PRKN: variants seen among roughly 807,000 people sequenced by gnomAD.
PRKN encodes the protein parkin RBR E3 ubiquitin protein ligase.
Under a neutral mutation model 59.5 loss-of-function variants are expected in PRKN, and 56 were observed. The ratio of observed to expected loss-of-function variants is 0.94; its 90% CI spans 0.76 to 1.18. PRKN has a LOEUF of 1.18. PRKN is among the 50% of genes most tolerant of loss of function. PRKN has a pLI of 0.00. For synonymous variants in PRKN, 250 were observed against 222.1 expected (o/e 1.13, Z -1.12); for missense variants, 657 against 596.4 (o/e 1.10, Z -1.06).
At chr6:162,621,597 A>G (rs1478243065) in intron 1 of PRKN, among the ~76,000 whole-genome samples, 4 of 152,226 alleles carry the variant, frequency 2.6e-5, no homozygotes, top group African/African-American at 9.6e-5. Flanking sequence ...TAAGTTTTGA[A>G]GTCATGTGTT....
intron 1 of PRKN, among the ~76,000 whole-genome samples, chr6:162,643,313 G>A (rs896670614): frequency 1.4e-5 from 2 of 142,884 alleles, no homozygotes; most frequent in Non-Finnish European, 3.0e-5. Flanking sequence ...CAGGAGAATT[G>A]CCTGAACCCA....
intron 1 of PRKN, among the ~76,000 whole-genome samples, chr6:162,620,186 C>G (rs1782606716): frequency 6.6e-6 from 1 of 152,048 alleles, no homozygotes. Context: ...ACTTTTATCT[C>G]CTCAACAGGT....
chr6:161,915,999 C>G (rs1197865392), intron 6 of PRKN, among the ~76,000 whole-genome samples: 1 of 151,820 alleles, frequency 6.6e-6, no homozygotes, highest in Non-Finnish European at 1.5e-5. Context: ...TCGACTATAT[C>G]AAATGATAAA....
intron 9 of PRKN, among the ~76,000 whole-genome samples, chr6:161,514,072 T>A (rs571298737): frequency 6.6e-6 from 1 of 151,744 alleles, no homozygotes; most frequent in Non-Finnish European, 1.5e-5. Context: ...CTTTGTAACC[T>A]TATTATCTAG....
At chr6:162,004,823 A>G (rs6455793) in intron 5 of PRKN, among the ~76,000 whole-genome samples, 120,448 of 152,140 alleles carry the variant, frequency 0.79, 48,483 homozygotes, top group African/African-American at 0.94. Flanking sequence ...TCAGGCTCAC[A>G]TATGATTACG....
At chr6:162,437,526 G>T (rs893573177) in intron 2 of PRKN, among the ~76,000 whole-genome samples, 5 of 152,098 alleles carry the variant, frequency 3.3e-5, no homozygotes, top group African/African-American at 9.7e-5. Context: ...ACAGAGGACG[G>T]CCGTCACCAA....
chr6:162,043,288 C>T (rs1216013390), intron 5 of PRKN, among the ~76,000 whole-genome samples: 1 of 152,014 alleles, frequency 6.6e-6, no homozygotes, highest in African/African-American at 2.4e-5. Flanking sequence ...ATATCAATAA[C>T]CCTGAGGAAA....
intron 4 of PRKN, among the ~76,000 whole-genome samples, chr6:162,144,691 T>C (rs1781943674): frequency 6.6e-6 from 1 of 152,194 alleles, no homozygotes; most frequent in Non-Finnish European, 1.5e-5. Context: ...GAACTTTTGG[T>C]AGTTCTAATT....
At chr6:162,602,349 G>T (rs1439956426) in intron 1 of PRKN, among the ~76,000 whole-genome samples, 1 of 152,194 alleles carries the variant, frequency 6.6e-6, no homozygotes, top group Non-Finnish European at 1.5e-5. Context: ...GAAGCAAGGG[G>T]AGGCATCAAG....
At chr6:162,701,889 C>A (rs997262766) in intron 1 of PRKN, among the ~76,000 whole-genome samples, 29 of 149,390 alleles carry the variant, frequency 1.9e-4, no homozygotes, top group African/African-American at 4.2e-4. Context: ...ACACACACCC[C>A]CCCGACAAAA....
chr6:161,979,389 C>G (rs1292621391), intron 5 of PRKN, among the ~76,000 whole-genome samples: 2 of 152,162 alleles, frequency 1.3e-5, no homozygotes, highest in South Asian at 4.1e-4. Context: ...TCTCATGTCT[C>G]AGCCTCCTGA....
intron 1 of PRKN, among the ~76,000 whole-genome samples, chr6:162,459,384 T>C (rs992340196): frequency 2.0e-5 from 3 of 152,180 alleles, no homozygotes; most frequent in African/African-American, 4.8e-5. Context: ...ATATCTTATA[T>C]TAACTTAGCA....
chr6:162,448,187 G>A (rs1254535666), intron 1 of PRKN, among the ~76,000 whole-genome samples: 2 of 152,044 alleles, frequency 1.3e-5, no homozygotes, highest in Non-Finnish European at 2.9e-5. Context: ...GGCACGCCCC[G>A]GTTAATTGCG....
Position 161,503,598 on chromosome 6 carries a change from G to T in PRKN, c.1083+45256C>A, listed in dbSNP as rs1367320483. Among the ~76,000 whole-genome samples, 1 of 152,172 alleles carries T rather than the reference G, an allele frequency of 6.6e-6. No homozygotes were observed. Among genetic ancestry groups the T allele is most frequent in the African/African-American group, 2.4e-5 (1 of 41,442 alleles). On this transcript the variant is annotated intron_variant, in intron 9 of 11. Transcript: ENST00000366898. The surrounding 1 kb of genome is among the most constrained non-coding windows in gnomAD (Gnocchi z 5.1). ...GGAGGTGAGGGACTGGACTGAGGGG[G>T]CTATGGGGGCGACCTAGTCTAGCTG...
rs369525986 is a variant in PRKN, at chr6:161,653,384, A to C, written c.872-83968T>G. 1.1e-4 allele frequency among the ~76,000 whole-genome samples: 16 copies of C among 152,054 alleles called. No homozygotes were observed. The East Asian group carries it at 2.1e-3, about 20-fold the overall frequency. On this transcript the variant is annotated intron_variant, in intron 7 of 11. Transcript: ENST00000366898. ...TCTTCTCAAAAACAACAACAAAACA[A>C]CAACAAAGATGCAAATCAACAGTGC...
At position 161,554,730 on chromosome 6, in the gene PRKN, G is replaced by GTATATATA. The variant is rs1165247669; in HGVS notation, c.934-5728_934-5727insTATATATA. On this transcript the variant is annotated intron_variant, in intron 8 of 11. Coordinates refer to ENST00000366898, the MANE Select transcript of PRKN (RefSeq NM_004562.3). This position sits in a 1 kb window ranked among gnomAD's most constrained non-coding sequence, Gnocchi z 4.5. Reference sequence around the variant, plus strand: ...ACAGGGATTGTGTGTGTGTGTGTGTGTGTGTATATATATATATATATATAC... The same window carrying GTATATATA: ...ACAGGGATTGTGTGTGTGTGTGTGTGTATATATATGTGTATATATATATATATATATAC... Among the ~76,000 whole-genome samples the GTATATATA allele has an allele frequency of 3.6e-5, 5 of 137,970 alleles. No homozygotes were observed. The highest frequency in any genetic ancestry group is 4.7e-4 in the South Asian group (2 of 4,272). 90.5% of individuals were successfully genotyped at this position (137,970 alleles called of 152,430 possible).
At position 161,548,637 on chromosome 6, in the gene PRKN, G is replaced by A. The variant is rs1275553234; in HGVS notation, c.1083+217C>T. ...AATACTTCCATAAGCAACCAAAGCA[G>A]AAAATCTTCATATAACTGTTTTCAC... is the stretch of plus-strand genomic sequence containing the variant. On this transcript the variant is annotated intron_variant, in intron 9 of 11. Coordinates refer to ENST00000366898, the MANE Select transcript of PRKN (RefSeq NM_004562.3). The surrounding 1 kb of genome is among the most constrained non-coding windows in gnomAD (Gnocchi z 4.2). The A allele has an allele frequency of 3.6e-6, 2 of 560,410 alleles. No homozygotes were observed. The highest frequency in any genetic ancestry group is 3.8e-5 in the African/African-American group (2 of 52,998). The allele number at this position is 560,410 out of a possible 1,614,324, so 34.7% of individuals were successfully genotyped here. A position where few individuals can be genotyped will look rare whatever the true frequency, so the allele number is the denominator to read the frequency against.
intron 2 of PRKN, among the ~76,000 whole-genome samples, chr6:162,349,065 G>A (rs1306380436): frequency 6.6e-6 from 1 of 152,176 alleles, no homozygotes; most frequent in African/African-American, 2.4e-5. Flanking sequence ...ATAATAACCT[G>A]AATAGAATTT....
intron 1 of PRKN, among the ~76,000 whole-genome samples, chr6:162,692,539 C>T (rs1453502735): frequency 6.7e-6 from 1 of 150,138 alleles, no homozygotes; most frequent in Admixed American, 6.7e-5. Context: ...ACTAAAGTTA[C>T]CCACGTAGGT....
Sources: allele counts gnomAD v4.1 joint callset (sites outside exome capture counted in the v4.1 genomes callset), GRCh38; gene constraint gnomAD v4.1.1; non-coding constraint Gnocchi (gnomAD v3.1); transcripts MANE v1.5; gene names NCBI Gene and HGNC (gene_info 2026-07-23, HGNC 2026-07-21).